ADARB2: variants seen among roughly 807,000 people sequenced by gnomAD.
ADARB2 encodes the protein inactive double-stranded RNA-specific editase B2.
Under a neutral mutation model 62.2 loss-of-function variants are expected in ADARB2, and 25 were observed. The ratio of observed to expected loss-of-function variants is 0.40; its 90% CI spans 0.29 to 0.56. The LOEUF is 0.56. Among genes scored for constraint, ADARB2 ranks in the 20% least tolerant of loss-of-function variants. The probability of loss-of-function intolerance (pLI) is 0.43; values close to 1 mark genes in which losing one functional copy is unlikely to be tolerated. For synonymous variants in ADARB2, 572 were observed against 500.8 expected (o/e 1.14, Z -1.90); for missense variants, 1,071 against 1,077.4 (o/e 0.99, Z 0.08).
At chr10:1,275,497 T>C (rs1481261409) in intron 3 of ADARB2, among the ~76,000 whole-genome samples, 1 of 150,800 alleles carries the variant, frequency 6.6e-6, no homozygotes, top group African/African-American at 2.4e-5. Flanking sequence ...AGCCAGTCTT[T>C]CTTTCTTTCC....
At chr10:1,562,786 G>T (rs532971422) in intron 1 of ADARB2, among the ~76,000 whole-genome samples, 4 of 152,234 alleles carry the variant, frequency 2.6e-5, no homozygotes, top group East Asian at 1.9e-4. Flanking sequence ...GACAGCCAAG[G>T]TCAGGCCTTT....
At chr10:1,295,183 G>C (rs1831512728) in intron 3 of ADARB2, among the ~76,000 whole-genome samples, 1 of 152,222 alleles carries the variant, frequency 6.6e-6, no homozygotes, top group Non-Finnish European at 1.5e-5. Flanking sequence ...CTCGACATAT[G>C]ACGTTTGTCG....
intron 1 of ADARB2, among the ~76,000 whole-genome samples, chr10:1,711,404 G>A (rs992810726): frequency 2.0e-5 from 3 of 152,192 alleles, no homozygotes; most frequent in East Asian, 1.9e-4. Flanking sequence ...TACCCCTGGC[G>A]GAGACCAGCA....
intron 1 of ADARB2, among the ~76,000 whole-genome samples, chr10:1,565,129 C>A (rs1280371030): frequency 6.6e-6 from 1 of 152,202 alleles, no homozygotes; most frequent in Non-Finnish European, 1.5e-5. Flanking sequence ...GTGAAATTTG[C>A]TTGATAACAT....
At chr10:1,308,103 A>C (rs1212244410) in intron 3 of ADARB2, among the ~76,000 whole-genome samples, 3 of 151,826 alleles carry the variant, frequency 2.0e-5, no homozygotes, top group Non-Finnish European at 2.9e-5. Context: ...TTAAAAAAAA[A>C]AAGTATCTCC....
chr10:1,536,225 C>T (rs748874458), intron 1 of ADARB2, among the ~76,000 whole-genome samples: 9 of 152,166 alleles, frequency 5.9e-5, no homozygotes, highest in East Asian at 1.9e-4. Flanking sequence ...GAGGCCCTCA[C>T]GATTAGAAGA....
At chr10:1,697,486 T>C (rs567732577) in intron 1 of ADARB2, among the ~76,000 whole-genome samples, 1 of 152,046 alleles carries the variant, frequency 6.6e-6, no homozygotes, top group South Asian at 2.1e-4. Context: ...AGAAGAAACT[T>C]GGTGAGAAAG....
intron 1 of ADARB2, among the ~76,000 whole-genome samples, chr10:1,584,047 C>T (rs1833141259): frequency 6.6e-6 from 1 of 152,074 alleles, no homozygotes. Flanking sequence ...TACAAGATGA[C>T]ATAGGAGAAA....
At position 1,729,659 on chromosome 10, in the gene ADARB2, C is replaced by T. The variant is rs151271168; in HGVS notation, c.100+7392G>A. ...CTGCTTTTTGTTTAATCATTATCAGCGCCCTAGGTATATGCTTTGAGCTCT... is the reference window on the plus strand; with the variant it reads ...CTGCTTTTTGTTTAATCATTATCAGTGCCCTAGGTATATGCTTTGAGCTCT... On this transcript the variant is annotated intron_variant, in intron 1 of 9. Transcript: ENST00000381312. Among the ~76,000 whole-genome samples, 37 of 152,316 alleles carry T rather than the reference C, an allele frequency of 2.4e-4. No homozygotes were observed. The East Asian group carries it at 6.9e-3, about 29-fold the overall frequency.
intron 1 of ADARB2, among the ~76,000 whole-genome samples, chr10:1,412,613 C>T (rs2387670): frequency 0.022 from 3,281 of 152,160 alleles, 71 homozygotes; most frequent in East Asian, 0.11. Flanking sequence ...TGGGCCGGAC[C>T]GCGTTTCAGG....
intron 1 of ADARB2, among the ~76,000 whole-genome samples, chr10:1,423,855 T>C (rs1234775097): frequency 2.0e-5 from 3 of 152,048 alleles, no homozygotes; most frequent in African/African-American, 7.2e-5. Context: ...AGGACCACTA[T>C]GTATGCAGTA....
At chr10:1,201,449 A>C (rs1836983191) in intron 7 of ADARB2, among the ~76,000 whole-genome samples, 1 of 152,248 alleles carries the variant, frequency 6.6e-6, no homozygotes, top group Admixed American at 6.5e-5. Context: ...CATTTCTACA[A>C]GTCACGGTGC....
intron 1 of ADARB2, among the ~76,000 whole-genome samples, chr10:1,559,261 G>T (rs1832754890): frequency 6.6e-6 from 1 of 152,218 alleles, no homozygotes; most frequent in South Asian, 2.1e-4. Context: ...AACAGATCAT[G>T]TTGCAGTGTG....
At chr10:1,234,896 A>G (rs1830849941) in intron 5 of ADARB2, among the ~76,000 whole-genome samples, 2 of 151,952 alleles carry the variant, frequency 1.3e-5, no homozygotes, top group South Asian at 4.2e-4. Flanking sequence ...TTACAGGTGC[A>G]TGCCACCATA....
intron 1 of ADARB2, among the ~76,000 whole-genome samples, chr10:1,434,416 C>T (rs1436726718): frequency 6.6e-6 from 1 of 152,188 alleles, no homozygotes; most frequent in African/African-American, 2.4e-5. Context: ...GGCCAGGTCT[C>T]ACTAACGCAG....
chr10:1,729,460 T>C (rs1835205481), intron 1 of ADARB2, among the ~76,000 whole-genome samples: 2 of 152,162 alleles, frequency 1.3e-5, no homozygotes, highest in South Asian at 4.1e-4. Context: ...CAGGGATGAG[T>C]GAACCCAGCC....
At chr10:1,710,022 G>A (rs1482630631) in intron 1 of ADARB2, among the ~76,000 whole-genome samples, 1 of 152,166 alleles carries the variant, frequency 6.6e-6, no homozygotes, top group Non-Finnish European at 1.5e-5. Context: ...CCCTCGCAGG[G>A]CTAATAACCT....
intron 1 of ADARB2, among the ~76,000 whole-genome samples, chr10:1,670,834 G>C (rs748657672): frequency 1.3e-5 from 2 of 152,346 alleles, no homozygotes; most frequent in Non-Finnish European, 2.9e-5. Flanking sequence ...AGCAGGAGCA[G>C]GTGATTAGGA....
At chr10:1,241,003 G>A (rs1241775826) in intron 5 of ADARB2, among the ~76,000 whole-genome samples, 1 of 152,024 alleles carries the variant, frequency 6.6e-6, no homozygotes, top group African/African-American at 2.4e-5. Context: ...GAGCACAGTG[G>A]CTCATGCCTG....
Sources: gnomAD v4.1 joint callset for allele counts (sites outside exome capture counted in the v4.1 genomes callset) on GRCh38, gnomAD v4.1.1 for gene constraint, MANE v1.5 for transcripts, NCBI Gene and HGNC (gene_info 2026-07-23, HGNC 2026-07-21) for gene names.